TBCA: variants seen among roughly 807,000 people sequenced by gnomAD.
TBCA encodes the protein tubulin-specific chaperone A.
Under a neutral mutation model 15.8 loss-of-function variants are expected in TBCA, and 6 were observed. That is an observed-to-expected ratio of 0.38 (90% confidence interval 0.21 to 0.75). The LOEUF (loss-of-function observed/expected upper bound fraction) is 0.75. TBCA is among the 30% of genes least tolerant of loss of function. The probability of loss-of-function intolerance (pLI) is 0.46; values close to 1 mark genes in which losing one functional copy is unlikely to be tolerated. For synonymous variants in TBCA, 32 were observed against 42.3 expected, an observed-to-expected ratio of 0.76 and a Z score of 0.94; for missense variants, 90 against 131.2, an observed-to-expected ratio of 0.69 and a Z score of 1.53.
At chr5:77,725,648 T>C (rs1030502996) in intron 1 of TBCA, among the ~76,000 whole-genome samples, 1 of 152,234 alleles carries the variant, frequency 6.6e-6, no homozygotes, top group Non-Finnish European at 1.5e-5. Flanking sequence ...CATTAATCAG[T>C]TACATTATGG....
At chr5:77,762,941 CGCTTGTTTAAAAAGACAA>C (rs2112509733) in intron 1 of TBCA, among the ~76,000 whole-genome samples, 1 of 152,274 alleles carries the variant, frequency 6.6e-6, no homozygotes, top group South Asian at 2.1e-4. Flanking sequence ...ATCTTGGAGA[CGCTTGTTTAAAAAGACAA>C]GCGGCCGGGC....
chr5:77,763,475 C>T (rs1337284626), intron 1 of TBCA, among the ~76,000 whole-genome samples: 1 of 152,140 alleles, frequency 6.6e-6, no homozygotes, highest in Non-Finnish European at 1.5e-5. Context: ...TGTTTGTGTG[C>T]CCATCCCTTC....
intron 1 of TBCA, among the ~76,000 whole-genome samples, chr5:77,725,871 A>G (rs929842139): frequency 2.0e-5 from 3 of 152,226 alleles, no homozygotes; most frequent in African/African-American, 7.2e-5. Context: ...GCAAATAACA[A>G]AACGACAGGC....
intron 1 of TBCA, among the ~76,000 whole-genome samples, chr5:77,711,360 T>G (rs952609594): frequency 2.0e-5 from 3 of 152,148 alleles, no homozygotes; most frequent in Non-Finnish European, 2.9e-5. Context: ...ACCCCTGACT[T>G]GAAAGACTTC....
intron 1 of TBCA, among the ~76,000 whole-genome samples, chr5:77,773,347 T>C (rs916351244): frequency 4.9e-5 from 7 of 143,978 alleles, no homozygotes; most frequent in Admixed American, 2.8e-4. Flanking sequence ...AGTTTTTTTT[T>C]TCTTTTTTTA....
chr5:77,714,158 A>G (rs928807973), intron 1 of TBCA, among the ~76,000 whole-genome samples: 7 of 152,036 alleles, frequency 4.6e-5, no homozygotes, highest in South Asian at 2.1e-4. Flanking sequence ...CATCTCTACT[A>G]AAAATACAAA....
At chr5:77,703,459 A>G (rs548368619) in intron 2 of TBCA, among the ~76,000 whole-genome samples, 1 of 152,352 alleles carries the variant, frequency 6.6e-6, no homozygotes, top group Non-Finnish European at 1.5e-5. Flanking sequence ...GCAATATTTG[A>G]ATGACGTGTT....
intron 1 of TBCA, among the ~76,000 whole-genome samples, chr5:77,735,187 T>C (rs957971554): frequency 5.9e-5 from 9 of 152,208 alleles, no homozygotes; most frequent in Non-Finnish European, 1.0e-4. Flanking sequence ...ATTTTGGTTA[T>C]TAACATCCTG....
chr5:77,728,138 TATAA>T (rs1254986396), intron 1 of TBCA, among the ~76,000 whole-genome samples: 10 of 152,232 alleles, frequency 6.6e-5, no homozygotes, highest in South Asian at 2.1e-4. Flanking sequence ...ATAAAGAGAT[TATAA>T]ATATTTTTAT....
At chr5:77,709,190 T>C (rs1009689798) in intron 1 of TBCA, among the ~76,000 whole-genome samples, 2 of 152,134 alleles carry the variant, frequency 1.3e-5, no homozygotes, top group Non-Finnish European at 2.9e-5. Flanking sequence ...ACTTTCCTTG[T>C]GCAAGGAGCT....
chr5:77,751,603 G>C (rs1398815214), intron 1 of TBCA, among the ~76,000 whole-genome samples: 1 of 152,064 alleles, frequency 6.6e-6, no homozygotes, highest in African/African-American at 2.4e-5. Context: ...AGGAGATGTG[G>C]CCAGAGGCAA....
At chr5:77,722,533 A>G (rs1402581234) in intron 1 of TBCA, among the ~76,000 whole-genome samples, 1 of 151,938 alleles carries the variant, frequency 6.6e-6, no homozygotes, top group Non-Finnish European at 1.5e-5. Context: ...TTGGAAGTAC[A>G]CTCTTCCCCT....
chr5:77,762,343 A>C (rs1747662469), intron 1 of TBCA, among the ~76,000 whole-genome samples: 1 of 152,334 alleles, frequency 6.6e-6, no homozygotes, highest in South Asian at 2.1e-4. Context: ...CATAGTTTAA[A>C]AAGATTAATA....
rs1340287142 is a variant in TBCA at position 77,752,670 on chromosome 5, T to G, written c.53+23535A>C. 1.7e-5 allele frequency among the ~76,000 whole-genome samples: 2 copies of G among 114,954 alleles called. 1 individual carries two copies. The highest frequency in any genetic ancestry group is 3.8e-5 in the Non-Finnish European group (2 of 52,564). 75.4% of individuals were successfully genotyped at this position (114,954 alleles called of 152,430 possible). ...GCTTCCCGGGTTCACGCCATTCTCC[T>G]GCCTCAGCCTCCCGAGTAGCTGGGA... On this transcript the variant is annotated intron_variant, in intron 1 of 3. Transcript: ENST00000380377.
intron 1 of TBCA, among the ~76,000 whole-genome samples, chr5:77,713,803 A>G (rs970245563): frequency 2.0e-5 from 3 of 152,170 alleles, no homozygotes; most frequent in Admixed American, 1.3e-4. Context: ...TAAAATTAAA[A>G]TGAGAGAAAT....
intron 1 of TBCA, among the ~76,000 whole-genome samples, chr5:77,752,044 T>C (rs941875002): frequency 6.6e-6 from 1 of 152,188 alleles, no homozygotes; most frequent in Non-Finnish European, 1.5e-5. Context: ...GGATCACATA[T>C]ACTCGTCAGC....
intron 1 of TBCA, among the ~76,000 whole-genome samples, chr5:77,758,233 G>A (rs946440903): frequency 1.3e-5 from 2 of 152,106 alleles, no homozygotes; most frequent in Non-Finnish European, 2.9e-5. Context: ...ACAAGAAAGT[G>A]AAATCAAAGA....
intron 1 of TBCA, among the ~76,000 whole-genome samples, chr5:77,748,366 GGAGA>G (rs1278419965): frequency 6.6e-6 from 1 of 151,468 alleles, no homozygotes. Context: ...GCGTGTGTGT[GGAGA>G]GAGAGATATG....
intron 1 of TBCA, among the ~76,000 whole-genome samples, chr5:77,741,501 G>C (rs951247844): frequency 2.0e-5 from 3 of 152,082 alleles, no homozygotes; most frequent in Non-Finnish European, 4.4e-5. Flanking sequence ...CATACAAAGA[G>C]CACCTGATCC....
Sources: gnomAD v4.1 joint callset for allele counts (sites outside exome capture counted in the v4.1 genomes callset) on GRCh38, gnomAD v4.1.1 for gene constraint, MANE v1.5 for transcripts, NCBI Gene and HGNC (gene_info 2026-07-23, HGNC 2026-07-21) for gene names.